MAOA: variants seen among roughly 807,000 people sequenced by gnomAD.
The protein encoded by MAOA is monoamine oxidase A.
Under a neutral mutation model 42.0 loss-of-function variants are expected in MAOA, and 6 were observed. The ratio of observed to expected loss-of-function variants is 0.14; its 90% CI spans 0.08 to 0.28. The LOEUF (loss-of-function observed/expected upper bound fraction) is 0.28. MAOA is among the 10% of genes least tolerant of loss of function. MAOA has a pLI of 1.00. For synonymous variants in MAOA, 140 were observed against 154.0 expected (o/e 0.91, Z 0.67); for missense variants, 262 against 422.3 (o/e 0.62, Z 3.33).
At chrX:43,666,981 C>T (rs1224455683) in intron 1 of MAOA, among the ~76,000 whole-genome samples, 6 of 72,910 alleles carry the variant, frequency 8.2e-5, no homozygotes, top group Admixed American at 1.8e-4. Flanking sequence ...CATCACATAC[C>T]AGGGTCTGTC....
At chrX:43,659,251 T>A (rs1160062075) in intron 1 of MAOA, among the ~76,000 whole-genome samples, 1 of 111,822 alleles carries the variant, frequency 8.9e-6, no homozygotes, top group Non-Finnish European at 1.9e-5. Flanking sequence ...CAAACTCTTT[T>A]TATCTGCCTA....
At chrX:43,675,971 A>C (rs2033391568) in intron 1 of MAOA, among the ~76,000 whole-genome samples, 1 of 111,817 alleles carries the variant, frequency 8.9e-6, no homozygotes, top group South Asian at 3.7e-4. Flanking sequence ...ACTCTCTTCA[A>C]AACTGTCAGA....
At chrX:43,738,022 G>A (rs2033933136) in intron 10 of MAOA, among the ~76,000 whole-genome samples, 1 of 112,170 alleles carries the variant, frequency 8.9e-6, no homozygotes, top group Admixed American at 9.5e-5. Context: ...TCCCAGATCT[G>A]ACTGCATCAA....
chrX:43,726,924 C>T (rs755199662), intron 5 of MAOA, among the ~76,000 whole-genome samples: 1 of 111,622 alleles, frequency 9.0e-6, no homozygotes, highest in African/African-American at 3.3e-5. Flanking sequence ...TTCCTTCTAA[C>T]AGGCCCCTCA....
intron 5 of MAOA, among the ~76,000 whole-genome samples, chrX:43,725,739 G>A (rs950075825): frequency 1.8e-5 from 2 of 111,402 alleles, no homozygotes; most frequent in Admixed American, 9.6e-5. Flanking sequence ...TATTTTTCCC[G>A]CTAGTTGATG....
At chrX:43,711,422 A>G (rs1341153067) in intron 3 of MAOA, among the ~76,000 whole-genome samples, 1 of 111,698 alleles carries the variant, frequency 9.0e-6, no homozygotes, top group East Asian at 2.8e-4. Flanking sequence ...ACAGTATAAG[A>G]CATTCCACTT....
At chrX:43,736,549 A>T (rs1318424255) in intron 10 of MAOA, among the ~76,000 whole-genome samples, 1 of 111,863 alleles carries the variant, frequency 8.9e-6, no homozygotes, top group East Asian at 2.8e-4. Context: ...CATAGAAAAT[A>T]TTAGCTGTGA....
chrX:43,720,631 A>C, intron 5 of MAOA, among the ~76,000 whole-genome samples: 1 of 110,599 alleles, frequency 9.0e-6, no homozygotes, highest in Non-Finnish European at 1.9e-5. Context: ...GAGGGGAGAC[A>C]GCAAGAGTAG....
rs1483955889 is a variant in MAOA at position 43,736,208 on chromosome X, A to G, written c.1053-19A>G. On this transcript the variant is annotated intron_variant, in intron 9 of 14. Transcript: ENST00000338702. ...TAAACAGCTGTAACCTGATCATTCA[A>G]TGTAACCTCTCTCTCCAGCTTCATT... The G allele has an allele frequency of 8.5e-7, 1 of 1,169,926 alleles. No individual in the cohort carries two copies. The highest frequency in any genetic ancestry group is 2.2e-5 in the Admixed American group (1 of 45,626).
intron 5 of MAOA, among the ~76,000 whole-genome samples, chrX:43,714,377 A>T (rs1207131237): frequency 9.1e-6 from 1 of 110,440 alleles, no homozygotes; most frequent in Non-Finnish European, 1.9e-5. Context: ...GAGGGGAGAA[A>T]AGTATAGTGG....
chrX:43,738,090 A>G (rs980302072), intron 10 of MAOA, among the ~76,000 whole-genome samples: 3 of 112,170 alleles, frequency 2.7e-5, no homozygotes, highest in Non-Finnish European at 5.6e-5. Context: ...ATTGTGATTG[A>G]GTAGGTTTGA....
chrX:43,697,995 A>G (rs2033594377), intron 3 of MAOA, among the ~76,000 whole-genome samples: 1 of 112,139 alleles, frequency 8.9e-6, no homozygotes, highest in South Asian at 3.7e-4. Flanking sequence ...GTGATAGTGT[A>G]TTGGGTTAAT....
chrX:43,702,467 T>C (rs1026856343), intron 3 of MAOA, among the ~76,000 whole-genome samples: 1 of 112,062 alleles, frequency 8.9e-6, no homozygotes, highest in African/African-American at 3.2e-5. Context: ...AGACAAATAA[T>C]GATAATAATG....
Position 43,732,799 on chromosome X carries a change from G to C in MAOA, c.1052+4G>C, listed in dbSNP as rs774461954. 8 of 1,161,617 alleles carry C rather than the reference G, an allele frequency of 6.9e-6. No individual in the cohort carries two copies. In the South Asian group the frequency reaches 1.3e-4, roughly 18 times the overall value. On this transcript the variant is annotated splice_donor_region_variant and intron_variant, in intron 9 of 14. Transcript: ENST00000338702. The stretch of plus-strand genomic sequence containing the variant: ...GGTCACTGCCTGCCATCATGGGGTA[G>C]GTTAGAGCAGGGTGTTCTGCATTTT...
chrX:43,656,497 G>C, intron 1 of MAOA, 83 bp downstream of exon 1: 1 of 899,750 alleles, frequency 1.1e-6, no homozygotes, highest in Non-Finnish European at 1.6e-6. Flanking sequence ...GTGGTGTTTG[G>C]GGGTCTCTCA....
chrX:43,690,661 C>T (rs1321090733), intron 2 of MAOA, among the ~76,000 whole-genome samples: 1 of 111,694 alleles, frequency 9.0e-6, no homozygotes, highest in African/African-American at 3.2e-5. Flanking sequence ...TACCACCGTC[C>T]TTGACACTTT....
At chrX:43,714,840 C>G (rs1456915035) in intron 5 of MAOA, among the ~76,000 whole-genome samples, 1 of 108,980 alleles carries the variant, frequency 9.2e-6, no homozygotes, top group Non-Finnish European at 1.9e-5. Flanking sequence ...AGCTATTTCT[C>G]TCTCTCTGGG....
intron 5 of MAOA, among the ~76,000 whole-genome samples, chrX:43,721,847 A>C (rs1263699204): frequency 9.1e-6 from 1 of 110,074 alleles, no homozygotes; most frequent in East Asian, 2.8e-4. Context: ...TGAGCCCCCC[A>C]TCCCCTGACA....
At chrX:43,698,308 T>G (rs1472203063) in intron 3 of MAOA, among the ~76,000 whole-genome samples, 1 of 111,828 alleles carries the variant, frequency 8.9e-6, no homozygotes, top group Admixed American at 9.5e-5. Flanking sequence ...TCGTTACCTT[T>G]GTTAGATTGT....
Sources: gnomAD v4.1 joint callset for allele counts (sites outside exome capture counted in the v4.1 genomes callset) on GRCh38, gnomAD v4.1.1 for gene constraint, MANE v1.5 for transcripts, NCBI Gene and HGNC (gene_info 2026-07-23, HGNC 2026-07-21) for gene names.